The following MTRF1 variants were observed in gnomAD, a reference collection of about 807,000 sequenced individuals.
The protein encoded by MTRF1 is peptide chain release factor 1, mitochondrial.
Under a neutral mutation model 62.9 loss-of-function variants are expected in MTRF1, and 51 were observed. The ratio of observed to expected loss-of-function variants is 0.81; its 90% CI spans 0.65 to 1.02. The LOEUF is 1.02. MTRF1 is among the 50% of genes least tolerant of loss of function. MTRF1 has a pLI of 0.00. For missense variants in MTRF1, 446 were observed against 530.0 expected (o/e 0.84, Z 1.56); for synonymous variants, 158 against 181.9 (o/e 0.87, Z 1.06).
upstream of MTRF1, among the ~76,000 whole-genome samples, chr13:41,266,164 A>C (rs1594104027): frequency 6.6e-6 from 1 of 150,390 alleles, no homozygotes; most frequent in East Asian, 2.0e-4. Context: ...TTTTTTAAAT[A>C]GAGATGGGGG....
At chr13:41,273,375 G>A in the MTRF1 span, among the ~76,000 whole-genome samples, 15 of 151,848 alleles carry the variant, frequency 9.9e-5, no homozygotes, top group African/African-American at 3.4e-4. Context: ...AGCCCTCCAT[G>A]GTTACCAAAA....
the MTRF1 span, among the ~76,000 whole-genome samples, chr13:41,271,044 G>C: frequency 3.6e-5 from 5 of 137,028 alleles, no homozygotes; most frequent in African/African-American, 1.3e-4. Context: ...CAGCCCAAAG[G>C]CCTTTTAAAT....
At chr13:41,309,486 G>A in the MTRF1 span, among the ~76,000 whole-genome samples, 1 of 151,894 alleles carries the variant, frequency 6.6e-6, no homozygotes, top group Non-Finnish European at 1.5e-5. Flanking sequence ...CACTGCACCT[G>A]GCTGTGCATG....
At chr13:41,264,609 AG>A (rs1188094671), upstream of MTRF1, among the ~76,000 whole-genome samples, 1 of 152,264 alleles carries the variant, frequency 6.6e-6, no homozygotes, top group Non-Finnish European at 1.5e-5. Context: ...TAACGTTTAT[AG>A]CCAACTTCAA....
At chr13:41,279,440 A>T in the MTRF1 span, among the ~76,000 whole-genome samples, 1 of 152,224 alleles carries the variant, frequency 6.6e-6, no homozygotes, top group Admixed American at 6.5e-5. Flanking sequence ...TCCTTAGATA[A>T]TAACTCTTTC....
intron 7 of MTRF1, among the ~76,000 whole-genome samples, chr13:41,229,854 A>C (rs931099718): frequency 1.2e-4 from 19 of 152,298 alleles, no homozygotes; most frequent in African/African-American, 4.1e-4. Flanking sequence ...TAATCCCAGC[A>C]CTTTGGGAGG....
At chr13:41,265,916 C>A (rs1232304461), upstream of MTRF1, among the ~76,000 whole-genome samples, 1 of 152,120 alleles carries the variant, frequency 6.6e-6, no homozygotes, top group African/African-American at 2.4e-5. Flanking sequence ...GTGGCCTGAT[C>A]TTGGCTCACT....
chr13:41,311,341 G>T, the MTRF1 span: 1 of 601,814 alleles, frequency 1.7e-6, no homozygotes, highest in Non-Finnish European at 2.9e-6. Flanking sequence ...TGCTCAGACC[G>T]CCTTCCTTCT....
upstream of MTRF1, among the ~76,000 whole-genome samples, chr13:41,265,047 A>G (rs555801072): frequency 6.6e-6 from 1 of 152,340 alleles, no homozygotes; most frequent in South Asian, 2.1e-4. Flanking sequence ...AAGTTATCCA[A>G]AAAGTTCTTT....
chr13:41,252,593 A>C, intron 5 of MTRF1, 52 bp downstream of exon 5: 1 of 1,376,212 alleles, frequency 7.3e-7, no homozygotes, highest in African/African-American at 1.4e-5. Context: ...TCAAGATCAG[A>C]GGTAAAATAA....
At chr13:41,238,729 G>A (rs1309940656) in intron 6 of MTRF1, among the ~76,000 whole-genome samples, 3 of 152,174 alleles carry the variant, frequency 2.0e-5, no homozygotes, top group African/African-American at 7.2e-5. Flanking sequence ...AGATATTTCT[G>A]TGGTCACCAT....
At chr13:41,292,868 C>T in the MTRF1 span, among the ~76,000 whole-genome samples, 1 of 152,012 alleles carries the variant, frequency 6.6e-6, no homozygotes, top group Non-Finnish European at 1.5e-5. Flanking sequence ...CCAAGTAGTT[C>T]AGGGCTGCAG....
Position 41,263,506 on chromosome 13 carries a change from G to A in MTRF1, c.-30C>T, listed in dbSNP as rs2040706758. On this transcript the variant is annotated 5_prime_UTR_variant, in exon 1 of 10. In the 5' UTR this introduces an upstream ATG that the reference lacks. Coordinates refer to ENST00000379480, the MANE Select transcript of MTRF1 (RefSeq NM_004294.4). The stretch of plus-strand genomic sequence containing the variant: ...GTACCTAAGAAAAAGAAGAATACAC[G>A]TTAGCTCTCTTTACTGAGGTCGGAA... 3 of 281,592 alleles carry A rather than the reference G, an allele frequency of 1.1e-5. No individual in the cohort carries two copies. In the Admixed American group the frequency reaches 1.3e-4, roughly 12 times the overall value. The allele number at this position is 281,592 out of a possible 1,614,324, so 17.4% of individuals were successfully genotyped here.
At chr13:41,240,764 A>G (rs969646659) in intron 5 of MTRF1, among the ~76,000 whole-genome samples, 20 of 152,326 alleles carry the variant, frequency 1.3e-4, no homozygotes, top group Admixed American at 2.0e-4. Flanking sequence ...TTTTATTTCC[A>G]AATTTTCTAT....
the MTRF1 span, among the ~76,000 whole-genome samples, chr13:41,283,651 G>A: frequency 2.4e-5 from 3 of 123,976 alleles, no homozygotes; most frequent in East Asian, 2.7e-4. Context: ...GTGCAGTGGC[G>A]CGATCTCGGC....
the MTRF1 span, among the ~76,000 whole-genome samples, chr13:41,276,558 C>A: frequency 2.0e-5 from 3 of 152,110 alleles, no homozygotes; most frequent in African/African-American, 7.2e-5. Flanking sequence ...TTTATACTTA[C>A]TGAAATCACC....
chr13:41,276,846 C>T, the MTRF1 span, among the ~76,000 whole-genome samples: 1 of 152,088 alleles, frequency 6.6e-6, no homozygotes, highest in African/African-American at 2.4e-5. Flanking sequence ...TATTGTAGAA[C>T]CTATTGTCCT....
chr13:41,310,027 GT>G, the MTRF1 span, among the ~76,000 whole-genome samples: 1 of 152,128 alleles, frequency 6.6e-6, no homozygotes, highest in Non-Finnish European at 1.5e-5. Flanking sequence ...GGGCAGCCCA[GT>G]TCTGATTACA....
intron 2 of MTRF1, among the ~76,000 whole-genome samples, chr13:41,257,239 A>C (rs945486449): frequency 1.3e-5 from 2 of 152,208 alleles, no homozygotes; most frequent in African/African-American, 4.8e-5. Flanking sequence ...TTAAATACCA[A>C]ACCAAGAAAT....
Sources: allele counts gnomAD v4.1 joint callset (sites outside exome capture counted in the v4.1 genomes callset), GRCh38; gene constraint gnomAD v4.1.1; transcripts MANE v1.5; gene names NCBI Gene and HGNC (gene_info 2026-07-23, HGNC 2026-07-21).